Variants in EPB41L4B observed in about 807,000 individuals in gnomAD.
The protein encoded by EPB41L4B is band 4.1-like protein 4B.
A neutral mutation model predicts 112.5 loss-of-function variants in EPB41L4B; 30 were observed. The observed-to-expected ratio is 0.27, with a 90% confidence interval of 0.20 to 0.36. The LOEUF is 0.36. EPB41L4B is among the 10% of genes least tolerant of loss of function. EPB41L4B has a pLI of 1.00. For synonymous variants in EPB41L4B, 408 were observed against 439.7 expected, an observed-to-expected ratio of 0.93 and a Z score of 0.90; for missense variants, 1,024 against 1,133.3, an observed-to-expected ratio of 0.90 and a Z score of 1.38.
intron 1 of EPB41L4B, among the ~76,000 whole-genome samples, chr9:109,318,121 T>C (rs535347619): frequency 2.2e-4 from 33 of 151,946 alleles, no homozygotes; most frequent in Admixed American, 3.3e-4. Context: ...GCATTTGCTT[T>C]TTATCTGCCT....
At chr9:109,227,678 T>C (rs1056099605) in intron 15 of EPB41L4B, among the ~76,000 whole-genome samples, 1 of 152,046 alleles carries the variant, frequency 6.6e-6, no homozygotes, top group Non-Finnish European at 1.5e-5. Context: ...GCCTCCTGGA[T>C]TCAAGCGATT....
chr9:109,232,833 G>A (rs1564282882), intron 15 of EPB41L4B, among the ~76,000 whole-genome samples: 2 of 152,144 alleles, frequency 1.3e-5, no homozygotes, highest in Non-Finnish European at 2.9e-5. Flanking sequence ...AAAAATTTCC[G>A]CAAATGATCC....
At chr9:109,301,939 A>C (rs1836985297) in intron 1 of EPB41L4B, among the ~76,000 whole-genome samples, 1 of 152,192 alleles carries the variant, frequency 6.6e-6, no homozygotes, top group African/African-American at 2.4e-5. Context: ...CTGGATTCAG[A>C]ACCATTTTTG....
At chr9:109,234,278 A>T (rs539523118) in intron 15 of EPB41L4B, among the ~76,000 whole-genome samples, 1 of 152,340 alleles carries the variant, frequency 6.6e-6, no homozygotes, top group Admixed American at 6.5e-5. Flanking sequence ...TTTAACCTGG[A>T]TGCTACTTCG....
intron 13 of EPB41L4B, 146 bp from the exon 14 acceptor site, chr9:109,247,935 T>G: frequency 2.0e-6 from 1 of 502,474 alleles, no homozygotes; most frequent in East Asian, 3.7e-5. Context: ...TTTTTTTTGG[T>G]TATTGGCTGT....
intron 22 of EPB41L4B, among the ~76,000 whole-genome samples, chr9:109,186,433 C>T (rs777158100): frequency 2.0e-5 from 3 of 151,372 alleles, no homozygotes; most frequent in East Asian, 2.0e-4. Context: ...GTGATCCACC[C>T]GCCTCGGCCT....
chr9:109,280,443 T>G (rs992585255), intron 1 of EPB41L4B, among the ~76,000 whole-genome samples: 1 of 152,322 alleles, frequency 6.6e-6, no homozygotes, highest in Admixed American at 6.5e-5. Flanking sequence ...AAATTCCAGG[T>G]TCATGCCAAG....
chr9:109,314,707 T>G (rs1304518697), intron 1 of EPB41L4B, among the ~76,000 whole-genome samples: 1 of 151,472 alleles, frequency 6.6e-6, no homozygotes, highest in Admixed American at 6.6e-5. Flanking sequence ...CATGACCCAC[T>G]AGATATCCAA....
At position 109,268,412 on chromosome 9, in the gene EPB41L4B, G is replaced by C; in HGVS notation, c.433C>G (p.Pro145Ala). The C allele has an allele frequency of 6.2e-7, 1 of 1,610,164 alleles. No individual in the cohort carries two copies. The highest frequency in any genetic ancestry group is 8.5e-7 in the Non-Finnish European group (1 of 1,179,158). ...TTACTTTTCATCTGCTTTTTTATGGGTTTGGCATGATCCAGCCAGTGCTGA... is the reference window on the plus strand; with the variant it reads ...TTACTTTTCATCTGCTTTTTTATGGCTTTGGCATGATCCAGCCAGTGCTGA... ...QVAHWLDHAK[P>A]IKKQMKIGPA... The change falls in exon 3 of 26, where the codon CCC becomes GCC. Residue 145 changes from proline to alanine, a missense_variant. Physicochemically the swap from Pro to Ala is conservative, Grantham distance 27. Coordinates refer to ENST00000374566, the MANE Select transcript of EPB41L4B (RefSeq NM_019114.5).
intron 1 of EPB41L4B, among the ~76,000 whole-genome samples, chr9:109,306,185 A>G (rs1837184069): frequency 6.6e-6 from 1 of 152,352 alleles, no homozygotes; most frequent in African/African-American, 2.4e-5. Flanking sequence ...AGTAAATGCT[A>G]TAAGGATTAA....
At chr9:109,306,639 A>C (rs891320921) in intron 1 of EPB41L4B, among the ~76,000 whole-genome samples, 2 of 137,962 alleles carry the variant, frequency 1.4e-5, no homozygotes, top group African/African-American at 2.7e-5. Context: ...AACAAACAAA[A>C]AAACATTCTG....
At chr9:109,268,715 G>A (rs1341361714) in intron 2 of EPB41L4B, among the ~76,000 whole-genome samples, 1 of 151,848 alleles carries the variant, frequency 6.6e-6, no homozygotes, top group Non-Finnish European at 1.5e-5. Flanking sequence ...TGGCTAACAC[G>A]GTGAAACCCC....
intron 12 of EPB41L4B, among the ~76,000 whole-genome samples, chr9:109,251,785 T>C (rs1451543074): frequency 6.6e-6 from 1 of 152,024 alleles, no homozygotes; most frequent in Non-Finnish European, 1.5e-5. Flanking sequence ...TCTCAAGAAG[T>C]TCCCTGTCTA....
chr9:109,251,083 T>C lies in EPB41L4B; in HGVS notation c.1310+398A>G, dbSNP rs754152868. On this transcript the variant is annotated intron_variant, in intron 13 of 25. Coordinates refer to ENST00000374566, the MANE Select transcript of EPB41L4B (RefSeq NM_019114.5). ...TAAAGGTGTTTAATGTCTTCTATGA[T>C]GTAAAACCTGCACGTCACTGAGCAA... Among the ~76,000 whole-genome samples, 18 of 152,264 alleles carry C rather than the reference T, an allele frequency of 1.2e-4. 1 individual carries two copies. The highest frequency in any genetic ancestry group is 2.6e-4 in the Admixed American group (4 of 15,294).
chr9:109,209,429 G>T (rs1048032568), intron 17 of EPB41L4B, among the ~76,000 whole-genome samples: 1 of 151,936 alleles, frequency 6.6e-6, no homozygotes, highest in African/African-American at 2.4e-5. Context: ...GGGAGGCCGG[G>T]GCGGGTGGAT....
At chr9:109,287,303 A>C (rs1375074768) in intron 1 of EPB41L4B, among the ~76,000 whole-genome samples, 1 of 152,154 alleles carries the variant, frequency 6.6e-6, no homozygotes, top group Non-Finnish European at 1.5e-5. Flanking sequence ...AACTATCCTG[A>C]CCTTCTTAGG....
intron 15 of EPB41L4B, among the ~76,000 whole-genome samples, chr9:109,231,355 T>C (rs1206281932): frequency 6.6e-6 from 1 of 152,198 alleles, no homozygotes; most frequent in African/African-American, 2.4e-5. Context: ...TGATGATGAT[T>C]AGTTACCTGG....
chr9:109,290,776 ACACACACC>A (rs886502187), intron 1 of EPB41L4B, among the ~76,000 whole-genome samples: 8 of 151,400 alleles, frequency 5.3e-5, no homozygotes, highest in African/African-American at 2.0e-4. Flanking sequence ...ACACACACAC[ACACACACC>A]CCCCACCAAG....
intron 19 of EPB41L4B, 120 bp downstream of exon 19, chr9:109,203,543 T>C: frequency 1.2e-6 from 1 of 820,102 alleles, no homozygotes; most frequent in Non-Finnish European, 2.0e-6. Context: ...TTTGGGCTCC[T>C]ATTCTCTGTT....
Sources: allele counts gnomAD v4.1 joint callset (sites outside exome capture counted in the v4.1 genomes callset), GRCh38; gene constraint gnomAD v4.1.1; transcripts MANE v1.5; gene names NCBI Gene and HGNC (gene_info 2026-07-23, HGNC 2026-07-21).